MDGA2: variants seen among roughly 807,000 people sequenced by gnomAD.
The protein encoded by MDGA2 is MAM domain containing glycosylphosphatidylinositol anchor 2, also known as MAM domain-containing glycosylphosphatidylinositol anchor protein 2.
MDGA2 carries 40 observed loss-of-function variants against 117.8 expected under a neutral mutation model. The ratio of observed to expected loss-of-function variants is 0.34; its 90% confidence interval spans 0.26 to 0.44. MDGA2 has a LOEUF of 0.44. Ranked by LOEUF, MDGA2 falls within the 20% of genes least tolerant of loss-of-function variation. MDGA2 has a pLI of 1.00. For synonymous variants in MDGA2, 452 were observed against 439.0 expected (o/e 1.03, Z -0.37); for missense variants, 1,123 against 1,250.6 (o/e 0.90, Z 1.54).
chr14:47,412,812 C>A (rs896393206), intron 1 of MDGA2, among the ~76,000 whole-genome samples: 1 of 152,160 alleles, frequency 6.6e-6, no homozygotes, highest in Non-Finnish European at 1.5e-5. Context: ...GTTGCCCATG[C>A]AATTTCAAGG....
intron 3 of MDGA2, among the ~76,000 whole-genome samples, chr14:47,152,574 T>C (rs569819404): frequency 3.3e-5 from 5 of 152,264 alleles, no homozygotes; most frequent in Non-Finnish European, 7.4e-5. Flanking sequence ...TAATCTAAAA[T>C]GTTTATGTTC....
chr14:47,456,459 A>ATT (rs376862684), intron 1 of MDGA2, among the ~76,000 whole-genome samples: 2 of 144,398 alleles, frequency 1.4e-5, no homozygotes, highest in African/African-American at 2.6e-5. Context: ...CGCCTGGCTA[A>ATT]TTTTTTTTTT....
intron 1 of MDGA2, among the ~76,000 whole-genome samples, chr14:47,615,590 G>A (rs559668951): frequency 1.3e-5 from 2 of 152,180 alleles, no homozygotes; most frequent in East Asian, 1.9e-4. Context: ...ATATTTACAG[G>A]GACTGCAGTT....
At position 47,174,263 on chromosome 14, in the gene MDGA2, C is replaced by T. The variant is rs183847307; in HGVS notation, c.596-29989G>A. On this transcript the variant is annotated intron_variant, in intron 3 of 16. Coordinates refer to ENST00000399232, the MANE Select transcript of MDGA2 (RefSeq NM_001113498.3). ...ACGAGACAGAAAGTTAACAAGGATA[C>T]CCAGGAATTGAACTCAGCTCTGCAC... Among the ~76,000 whole-genome samples, 9 of 152,116 alleles carry T rather than the reference C, an allele frequency of 5.9e-5. 1 individual carries two copies. The East Asian group carries it at 1.4e-3, about 23-fold the overall frequency.
At chr14:47,513,213 T>G (rs1229501937) in intron 1 of MDGA2, among the ~76,000 whole-genome samples, 2 of 152,128 alleles carry the variant, frequency 1.3e-5, no homozygotes, top group Non-Finnish European at 2.9e-5. Context: ...CTATTACAAA[T>G]TATATAGGAG....
intron 1 of MDGA2, among the ~76,000 whole-genome samples, chr14:47,540,565 C>CATATACAT (rs1895332134): frequency 1.1e-5 from 1 of 89,744 alleles, no homozygotes; most frequent in African/African-American, 3.5e-5. Flanking sequence ...TATATATATA[C>CATATACAT]ACACACACAT....
At chr14:47,587,595 TAAC>T (rs2138852480) in intron 1 of MDGA2, among the ~76,000 whole-genome samples, 1 of 152,014 alleles carries the variant, frequency 6.6e-6, no homozygotes, top group South Asian at 2.1e-4. Flanking sequence ...AAGTCTTTCA[TAAC>T]AACCCGAGTC....
intron 8 of MDGA2, among the ~76,000 whole-genome samples, chr14:46,993,651 G>A (rs1427930429): frequency 4.0e-5 from 6 of 151,700 alleles, no homozygotes; most frequent in Non-Finnish European, 7.4e-5. Flanking sequence ...CAGTAGAGAC[G>A]GGTTTCACCA....
chr14:47,094,153 G>T (rs1361778512), intron 6 of MDGA2, among the ~76,000 whole-genome samples: 3 of 151,870 alleles, frequency 2.0e-5, no homozygotes, highest in Non-Finnish European at 2.9e-5. Context: ...TAAAACCAAG[G>T]CTACTTCTAA....
At chr14:47,511,282 T>C (rs1894634556) in intron 1 of MDGA2, among the ~76,000 whole-genome samples, 1 of 152,122 alleles carries the variant, frequency 6.6e-6, no homozygotes, top group African/African-American at 2.4e-5. Flanking sequence ...TTTGAAAGAC[T>C]GTGTCATAAG....
rs1365538250 is a variant in MDGA2, at chr14:47,675,045, G to T, written c.-249C>A. 4 of 175,282 alleles carry T rather than the reference G, an allele frequency of 2.3e-5. No homozygotes were observed. Among genetic ancestry groups the T allele is most frequent in the Non-Finnish European group, 3.5e-5 (3 of 84,548 alleles). 10.9% of individuals were successfully genotyped at this position (175,282 alleles called of 1,614,324 possible). A position where few individuals can be genotyped will look rare whatever the true frequency, so the allele number is the denominator to read the frequency against. The stretch of plus-strand genomic sequence containing the variant: ...GGCGGGCGCGGGCAGGGGGCCGGGG[G>T]TGCCGCGCGGTAGGAGCCTGGCTTG... On this transcript the variant is annotated 5_prime_UTR_variant, in exon 1 of 17. Transcript: ENST00000399232.
chr14:47,185,435 A>G (rs1884872557), intron 3 of MDGA2, among the ~76,000 whole-genome samples: 1 of 151,618 alleles, frequency 6.6e-6, no homozygotes, highest in African/African-American at 2.4e-5. Context: ...TAAAGGTCAG[A>G]AAGTTTAAGC....
chr14:47,035,291 C>A lies in MDGA2; in HGVS notation c.1539G>T (p.Leu513=). 1 of 1,612,414 alleles carries A rather than the reference C, an allele frequency of 6.2e-7. No homozygotes were observed. Among genetic ancestry groups the A allele is most frequent in the Non-Finnish European group, 8.5e-7 (1 of 1,179,032 alleles). Residue 513 remains leucine, a synonymous_variant, in exon 8 of 17, where the codon CTG becomes CTT. Transcript: ENST00000399232. ...NISSSTVPPN[L]TVPQEKSPLV... ...ATGGTGATTTTTCCTGTGGAACAGT[C>A]AGATTGGGTGGAACTTGAAATGGGA... is the stretch of plus-strand genomic sequence containing the variant.
At chr14:47,335,741 T>TAG (rs1555374522) in intron 1 of MDGA2, among the ~76,000 whole-genome samples, 1 of 13,516 alleles carries the variant, frequency 7.4e-5, no homozygotes, top group African/African-American at 1.3e-4. Context: ...ATTTTATATA[T>TAG]ATATATACAT....
At chr14:47,589,029 T>C (rs1896386526) in intron 1 of MDGA2, among the ~76,000 whole-genome samples, 1 of 151,936 alleles carries the variant, frequency 6.6e-6, no homozygotes, top group Non-Finnish European at 1.5e-5. Flanking sequence ...TTTTCTCTTG[T>C]AATCTTGAGG....
intron 1 of MDGA2, among the ~76,000 whole-genome samples, chr14:47,665,329 G>C (rs988442981): frequency 6.6e-6 from 1 of 152,014 alleles, no homozygotes; most frequent in African/African-American, 2.4e-5. Context: ...CTATCTCCTG[G>C]ATTCATGCAT....
intron 1 of MDGA2, among the ~76,000 whole-genome samples, chr14:47,624,773 T>C (rs1325293158): frequency 6.6e-6 from 1 of 152,188 alleles, no homozygotes; most frequent in African/African-American, 2.4e-5. Context: ...TTTCTGCTTA[T>C]CTTCTTCATA....
At chr14:46,905,189 A>G (rs563828705) in intron 10 of MDGA2, among the ~76,000 whole-genome samples, 1 of 152,270 alleles carries the variant, frequency 6.6e-6, no homozygotes, top group African/African-American at 2.4e-5. Flanking sequence ...GAGTCCTGGA[A>G]AACTCATTTT....
At chr14:47,359,017 T>C (rs1285640112) in intron 1 of MDGA2, among the ~76,000 whole-genome samples, 1 of 152,132 alleles carries the variant, frequency 6.6e-6, no homozygotes, top group Admixed American at 6.5e-5. Context: ...AAAGCAATAT[T>C]GATAAAGAAA....
Sources: allele counts gnomAD v4.1 joint callset (sites outside exome capture counted in the v4.1 genomes callset), GRCh38; gene constraint gnomAD v4.1.1; transcripts MANE v1.5; gene names NCBI Gene and HGNC (gene_info 2026-07-23, HGNC 2026-07-21).